The following SYNPR variants were observed in gnomAD, a reference collection of about 807,000 sequenced individuals.
The protein encoded by SYNPR is synaptoporin.
A neutral mutation model predicts 32.9 loss-of-function variants in SYNPR; 23 were observed. The ratio of observed to expected loss-of-function variants is 0.70; its 90% CI spans 0.50 to 0.99. The LOEUF (loss-of-function observed/expected upper bound fraction) is 0.99. Among genes scored for constraint, SYNPR ranks in the 50% least tolerant of loss-of-function variants. The pLI, the probability that SYNPR is intolerant of heterozygous loss-of-function variation, is 0.00. For synonymous variants in SYNPR, 146 were observed against 135.9 expected (o/e 1.07, Z -0.52); for missense variants, 318 against 349.3 (o/e 0.91, Z 0.71).
At chr3:63,389,209 T>C (rs1457535376) in intron 2 of SYNPR, among the ~76,000 whole-genome samples, 2 of 152,110 alleles carry the variant, frequency 1.3e-5, no homozygotes, top group African/African-American at 4.8e-5. Flanking sequence ...TAAAAGTTGA[T>C]AAAAAATAAA....
Position 63,616,711 on chromosome 3 carries a change from A to G in SYNPR, c.*1230A>G, listed in dbSNP as rs1266826488. 6.6e-6 allele frequency: 1 copy of G among 152,658 alleles called. No homozygotes were observed. The highest frequency in any genetic ancestry group is 1.9e-4 in the East Asian group (1 of 5,204). The allele number at this position is 152,658 out of a possible 1,614,324, so 9.5% of individuals were successfully genotyped here. A position where few individuals can be genotyped will look rare whatever the true frequency, so the allele number is the denominator to read the frequency against. On this transcript the variant is annotated 3_prime_UTR_variant, in exon 6 of 6. Coordinates refer to ENST00000478300, the MANE Select transcript of SYNPR (RefSeq NM_001130003.2). ...CTCGTTTTAACTCAGCTGAAACACC[A>G]GGACCCAATAGAGAGGGCAAGCTGA...
chr3:63,403,302 A>G lies in SYNPR; in HGVS notation c.85-77530A>G, dbSNP rs538682049. On this transcript the variant is annotated intron_variant, in intron 2 of 5. Transcript: ENST00000478300. ...TTGCATAAATGGATTTGAAAAGAAC[A>G]TTAAATAATAGAGTCCACGAAGCCT... Among the ~76,000 whole-genome samples the G allele has an allele frequency of 5.9e-5, 9 of 152,222 alleles. No homozygotes were observed. The South Asian group carries it at 1.7e-3, about 28-fold the overall frequency.
chr3:63,420,138 AT>A (rs2088589316), intron 2 of SYNPR, among the ~76,000 whole-genome samples: 1 of 152,196 alleles, frequency 6.6e-6, no homozygotes, highest in Non-Finnish European at 1.5e-5. Flanking sequence ...AAAGATGCAA[AT>A]TTTCCCCCAA....
At chr3:63,435,673 A>T (rs1700071382) in intron 2 of SYNPR, among the ~76,000 whole-genome samples, 1 of 152,158 alleles carries the variant, frequency 6.6e-6, no homozygotes, top group Non-Finnish European at 1.5e-5. Flanking sequence ...CTAAGCTATT[A>T]AATATTATGC....
At chr3:63,227,825 T>A (rs1361171896), upstream of SYNPR, among the ~76,000 whole-genome samples, 1 of 152,136 alleles carries the variant, frequency 6.6e-6, no homozygotes, top group African/African-American at 2.4e-5. Context: ...TAGAAATAGG[T>A]CACATGGCTA....
chr3:63,252,807 G>T (rs2086345175), intron 2 of SYNPR, among the ~76,000 whole-genome samples: 1 of 152,112 alleles, frequency 6.6e-6, no homozygotes, highest in Non-Finnish European at 1.5e-5. Flanking sequence ...TTGGGTGGCT[G>T]AGGAGGGCAG....
chr3:63,449,027 T>A (rs953469571), intron 2 of SYNPR, among the ~76,000 whole-genome samples: 1 of 152,216 alleles, frequency 6.6e-6, no homozygotes, highest in Non-Finnish European at 1.5e-5. Context: ...AGTGTGTGTG[T>A]CTTATAAGCA....
intron 2 of SYNPR, among the ~76,000 whole-genome samples, chr3:63,364,694 C>T (rs973615771): frequency 4.6e-5 from 7 of 152,098 alleles, no homozygotes; most frequent in African/African-American, 1.7e-4. Context: ...CCACCAACTA[C>T]TTGTATTATT....
At chr3:63,602,282 C>G (rs1700056022) in intron 4 of SYNPR, among the ~76,000 whole-genome samples, 1 of 151,966 alleles carries the variant, frequency 6.6e-6, no homozygotes, top group East Asian at 1.9e-4. Context: ...ATATTTTCTC[C>G]CATTTTGTAA....
rs115845183 is a variant in SYNPR, at chr3:63,352,103, G to A, written c.84+73361G>A. ...AGAGGACAGTAAGTCCAAAGGTCCT[G>A]GGGTGGAAACAGAGAGAATGCCAGT... On this transcript the variant is annotated intron_variant, in intron 2 of 5. Coordinates refer to ENST00000478300, the MANE Select transcript of SYNPR (RefSeq NM_001130003.2). Among the ~76,000 whole-genome samples, 881 of 152,240 alleles carry A rather than the reference G, an allele frequency of 5.8e-3. 11 individuals carry two copies. The highest frequency in any genetic ancestry group is 0.019 in the African/African-American group (787 of 41,530).
the SYNPR span, among the ~76,000 whole-genome samples, chr3:63,217,820 A>G: frequency 1.3e-5 from 2 of 152,164 alleles, no homozygotes; most frequent in African/African-American, 4.8e-5. Context: ...AATTTTGGGT[A>G]GAGTTCTCCA....
intron 4 of SYNPR, among the ~76,000 whole-genome samples, chr3:63,600,853 T>A (rs1425416879): frequency 1.3e-5 from 2 of 152,186 alleles, no homozygotes; most frequent in Non-Finnish European, 2.9e-5. Context: ...CTCTGGCAGT[T>A]CTTCATAGCA....
At chr3:63,239,644 C>T (rs1021720702) in intron 1 of SYNPR, among the ~76,000 whole-genome samples, 1 of 151,496 alleles carries the variant, frequency 6.6e-6, no homozygotes, top group Non-Finnish European at 1.5e-5. Context: ...ACCCATCCTA[C>T]CATTGTCATG....
At chr3:63,503,662 C>T (rs150160820) in intron 3 of SYNPR, among the ~76,000 whole-genome samples, 4 of 152,116 alleles carry the variant, frequency 2.6e-5, no homozygotes, top group African/African-American at 7.2e-5. Context: ...CATTTGTTTA[C>T]ATCTCATTTT....
At chr3:63,282,595 A>T (rs983457440) in intron 2 of SYNPR, among the ~76,000 whole-genome samples, 10 of 151,466 alleles carry the variant, frequency 6.6e-5, no homozygotes, top group African/African-American at 2.4e-4. Context: ...AGGTGGGAGG[A>T]TCGCTTGAGC....
Position 63,465,102 on chromosome 3 carries a change from C to T in SYNPR, c.85-15730C>T, listed in dbSNP as rs184930099. ...CTCTTAGATTTAATCAATAGAAAGA[C>T]ATTATTGAAAGATGGCGAGGATCTT... On this transcript the variant is annotated intron_variant, in intron 2 of 5. Transcript: ENST00000478300. Among the ~76,000 whole-genome samples the T allele has an allele frequency of 1.7e-3, 252 of 152,216 alleles. 1 individual carries two copies. Among genetic ancestry groups the T allele is most frequent in the African/African-American group, 5.9e-3 (246 of 41,552 alleles).
intron 2 of SYNPR, among the ~76,000 whole-genome samples, chr3:63,411,128 G>T (rs922542212): frequency 6.6e-6 from 1 of 152,140 alleles, no homozygotes. Flanking sequence ...TGTGGAAACT[G>T]AATCAGAAAA....
At position 63,492,631 on chromosome 3, in the gene SYNPR, T is replaced by C. The variant is rs375704317; in HGVS notation, c.209+11675T>C. 3.3e-5 allele frequency among the ~76,000 whole-genome samples: 5 copies of C among 152,260 alleles called. No individual in the cohort carries two copies. In the East Asian group the frequency reaches 7.8e-4, roughly 24 times the overall value. ...ATCAAGGCTGTTGTTTCTGTTGAGC[T>C]CCCATAGGGAAGTGACAAGCGGCAG... On this transcript the variant is annotated intron_variant, in intron 3 of 5. Transcript: ENST00000478300.
At chr3:63,416,531 T>TA (rs60383627) in intron 2 of SYNPR, among the ~76,000 whole-genome samples, 9,395 of 105,176 alleles carry the variant, frequency 0.089, 569 homozygotes, top group African/African-American at 0.17. Context: ...GACTCTGTCT[T>TA]AAAAAAAAAA....
Sources: allele counts gnomAD v4.1 joint callset (sites outside exome capture counted in the v4.1 genomes callset), GRCh38; gene constraint gnomAD v4.1.1; transcripts MANE v1.5; gene names NCBI Gene and HGNC (gene_info 2026-07-23, HGNC 2026-07-21).